RELN: variants seen among roughly 807,000 people sequenced by gnomAD.
RELN encodes the protein reelin.
A neutral mutation model predicts 427.6 loss-of-function variants in RELN; 108 were observed. That is an observed-to-expected ratio of 0.25 (90% CI 0.22 to 0.30). The LOEUF (loss-of-function observed/expected upper bound fraction) is 0.30. Among genes scored for constraint, RELN ranks in the 10% least tolerant of loss-of-function variants. The pLI, the probability that RELN is intolerant of heterozygous loss-of-function variation, is 1.00. For synonymous variants in RELN, 1,524 were observed against 1,513.4 expected (o/e 1.01, Z -0.16); for missense variants, 3,715 against 4,302.8 (o/e 0.86, Z 3.82).
intron 11 of RELN, among the ~76,000 whole-genome samples, chr7:103,671,569 A>C (rs1833393358): frequency 6.6e-6 from 1 of 152,102 alleles, no homozygotes; most frequent in Non-Finnish European, 1.5e-5. Flanking sequence ...ATGTAGTGAT[A>C]TTTTCATTTT....
intron 21 of RELN, 73 bp downstream of exon 21, chr7:103,611,538 T>A: frequency 1.0e-6 from 1 of 997,866 alleles, no homozygotes; most frequent in Non-Finnish European, 1.5e-6. Flanking sequence ...GAACTGTAAT[T>A]TTTTTTTTTT....
At chr7:103,678,031 A>G (rs77527584) in intron 11 of RELN, among the ~76,000 whole-genome samples, 2,082 of 152,152 alleles carry the variant, frequency 0.014, 36 homozygotes, top group Non-Finnish European at 0.019. Context: ...ATTTTCCGTC[A>G]TTTCCAAGGA....
At chr7:103,827,690 T>C (rs926669611) in intron 3 of RELN, among the ~76,000 whole-genome samples, 6 of 151,942 alleles carry the variant, frequency 3.9e-5, no homozygotes, top group Non-Finnish European at 1.5e-5. Context: ...CTCCTAGCTG[T>C]TTACCTTTAA....
chr7:103,567,181 A>C (rs999455845), intron 31 of RELN, among the ~76,000 whole-genome samples: 1 of 152,230 alleles, frequency 6.6e-6, no homozygotes, highest in African/African-American at 2.4e-5. Context: ...ACTAGGCAGT[A>C]AGCACCGCCT....
chr7:103,937,026 G>A (rs945474532), intron 1 of RELN, among the ~76,000 whole-genome samples: 1 of 151,996 alleles, frequency 6.6e-6, no homozygotes, highest in Non-Finnish European at 1.5e-5. Flanking sequence ...TTTCACCTGT[G>A]GTTTTTAAAT....
chr7:103,847,132 C>A (rs991571963), intron 2 of RELN, among the ~76,000 whole-genome samples: 5 of 152,142 alleles, frequency 3.3e-5, no homozygotes, highest in Admixed American at 2.0e-4. Flanking sequence ...ATGTTTATTG[C>A]GGCACTGTTC....
At chr7:103,971,400 A>C (rs1175791237) in intron 1 of RELN, among the ~76,000 whole-genome samples, 1 of 152,218 alleles carries the variant, frequency 6.6e-6, no homozygotes, top group African/African-American at 2.4e-5. Context: ...AATATGAAAA[A>C]GAGAAAACTT....
chr7:103,473,614 C>T (rs192925123), intron 64 of RELN, among the ~76,000 whole-genome samples: 80 of 152,248 alleles, frequency 5.3e-4, no homozygotes, highest in African/African-American at 1.8e-3. Flanking sequence ...TTTTCCCCCA[C>T]ATATGTACAT....
At chr7:103,604,831 C>CTTTTT (rs34015200) in intron 22 of RELN, among the ~76,000 whole-genome samples, 1 of 138,720 alleles carries the variant, frequency 7.2e-6, no homozygotes, top group South Asian at 2.3e-4. Flanking sequence ...ACCTATCTTT[C>CTTTTT]TTTTTTTTTT....
intron 28 of RELN, among the ~76,000 whole-genome samples, chr7:103,583,659 G>A (rs1304346685): frequency 6.6e-6 from 1 of 152,160 alleles, no homozygotes; most frequent in Non-Finnish European, 1.5e-5. Context: ...GAACATCTAG[G>A]AGAGAATACT....
chr7:103,539,049 G>T, intron 45 of RELN, 29 bp downstream of exon 45: 1 of 1,612,844 alleles, frequency 6.2e-7, no homozygotes, highest in Non-Finnish European at 8.5e-7. Flanking sequence ...CCACATGCCT[G>T]TCCCTCTATC....
chr7:103,617,547 T>C (rs1832110784), intron 20 of RELN, among the ~76,000 whole-genome samples: 1 of 151,866 alleles, frequency 6.6e-6, no homozygotes, highest in East Asian at 1.9e-4. Flanking sequence ...TGTATATATG[T>C]GTAGATATAT....
rs372307346 is a variant in RELN, at chr7:103,953,911, G to A, written c.226+35220C>T. ...CGTGCCACTACATGCCAGGCTGTGC[G>A]GCAGAGCAAGACTCCATCTCAAAAA... On this transcript the variant is annotated intron_variant, in intron 1 of 64. Coordinates refer to ENST00000428762, the MANE Select transcript of RELN (RefSeq NM_005045.4). This position sits in a 1 kb window ranked among gnomAD's most constrained non-coding sequence, Gnocchi z 4.3. Among the ~76,000 whole-genome samples, 2 of 151,730 alleles carry A rather than the reference G, an allele frequency of 1.3e-5. No individual in the cohort carries two copies. The highest frequency in any genetic ancestry group is 3.9e-4 in the East Asian group (2 of 5,160).
chr7:103,771,770 C>A lies in RELN; in HGVS notation c.544+4787G>T, dbSNP rs369962468. Reference sequence around the variant, plus strand: ...ATATCCCCTTCTTTCTGGCCAAGATCTAATCACAGTAATACATGTAATGTA... The same window carrying A: ...ATATCCCCTTCTTTCTGGCCAAGATATAATCACAGTAATACATGTAATGTA... On this transcript the variant is annotated intron_variant, in intron 4 of 64. Transcript: ENST00000428762. Among the ~76,000 whole-genome samples the A allele has an allele frequency of 7.6e-3, 1,148 of 150,138 alleles. 12 individuals are homozygous for A. The highest frequency in any genetic ancestry group is 0.026 in the African/African-American group (1,064 of 40,538).
At chr7:103,683,942 C>T (rs1833707705) in intron 10 of RELN, among the ~76,000 whole-genome samples, 1 of 152,142 alleles carries the variant, frequency 6.6e-6, no homozygotes, top group Non-Finnish European at 1.5e-5. Context: ...CTGCTCCTCA[C>T]CATGCTAAGG....
At chr7:103,909,735 A>C (rs1368838562) in intron 2 of RELN, among the ~76,000 whole-genome samples, 1 of 31,226 alleles carries the variant, frequency 3.2e-5, no homozygotes, top group Non-Finnish European at 6.0e-5. Context: ...ATATTTTTTA[A>C]TATATATAAA....
chr7:103,609,612 A>T (rs1166689256), intron 22 of RELN, among the ~76,000 whole-genome samples: 2 of 152,202 alleles, frequency 1.3e-5, no homozygotes, highest in African/African-American at 4.8e-5. Flanking sequence ...ATTCCAACTG[A>T]CATAATAATG....
chr7:103,609,040 T>C (rs1831883737), intron 22 of RELN, among the ~76,000 whole-genome samples: 1 of 151,936 alleles, frequency 6.6e-6, no homozygotes, highest in African/African-American at 2.4e-5. Context: ...CTGGCCAACA[T>C]GACAAAACCC....
chr7:103,545,008 A>G, intron 42 of RELN, 116 bp downstream of exon 42: 2 of 805,294 alleles, frequency 2.5e-6, no homozygotes, highest in Non-Finnish European at 4.2e-6. Context: ...GATGTTCACA[A>G]TTGAAATAAT....
Sources: gnomAD v4.1 joint callset for allele counts (sites outside exome capture counted in the v4.1 genomes callset) on GRCh38, gnomAD v4.1.1 for gene constraint, Gnocchi (gnomAD v3.1) non-coding constraint, MANE v1.5 for transcripts, NCBI Gene and HGNC (gene_info 2026-07-23, HGNC 2026-07-21) for gene names.